Variants in GMDS observed in about 807,000 individuals in gnomAD.
The protein encoded by GMDS is GDP-mannose 4,6-dehydratase, also known as GDP-mannose 4,6 dehydratase.
GMDS carries 20 observed loss-of-function variants against 49.9 expected under a neutral mutation model. That is an observed-to-expected ratio of 0.40 (90% CI 0.28 to 0.58). GMDS has a LOEUF of 0.58. Ranked by LOEUF, GMDS falls within the 20% of genes least tolerant of loss-of-function variation. The pLI, the probability that GMDS is intolerant of heterozygous loss-of-function variation, is 0.42. For synonymous variants in GMDS, 177 were observed against 178.6 expected (o/e 0.99, Z 0.07); for missense variants, 362 against 481.4 (o/e 0.75, Z 2.32).
rs567789848 is a variant in GMDS, at chr6:1,656,907, C to T, written c.988-32367G>A. 1.1e-3 allele frequency among the ~76,000 whole-genome samples: 166 copies of T among 152,208 alleles called. 1 individual carries two copies. The highest frequency in any genetic ancestry group is 1.7e-3 in the Non-Finnish European group (118 of 68,004). ...AGTGTCCCTTCAAGCAGCCTCTTCC[C>T]CAGGAGGCAATCTTTACCTTCACTA... On this transcript the variant is annotated intron_variant, in intron 9 of 10. Transcript: ENST00000380815.
chr6:1,970,620 C>T (rs1764544828), intron 4 of GMDS, among the ~76,000 whole-genome samples: 1 of 152,016 alleles, frequency 6.6e-6, no homozygotes, highest in African/African-American at 2.4e-5. Flanking sequence ...TTATGGGTGT[C>T]GAGTAGACAG....
intron 9 of GMDS, among the ~76,000 whole-genome samples, chr6:1,699,129 C>T (rs930222748): frequency 7.9e-5 from 12 of 152,028 alleles, no homozygotes; most frequent in Admixed American, 1.3e-4. Flanking sequence ...GAGTGAGGGG[C>T]TGCCAGAGCC....
chr6:2,025,355 GGGGTGT>G lies in GMDS; in HGVS notation c.346-64395_346-64390del, dbSNP rs1190096131. ...CTATTAGTTCTGTAAATCTGATGGT[GGGGTGT>G]GTGTGTGTGTGTGTGTGTGTGTGTG... On this transcript the variant is annotated intron_variant, in intron 4 of 10. Coordinates refer to ENST00000380815, the MANE Select transcript of GMDS (RefSeq NM_001500.4). Among the ~76,000 whole-genome samples, 80 of 120,246 alleles carry G rather than the reference GGGGTGT, an allele frequency of 6.7e-4. 1 individual carries two copies. The highest frequency in any genetic ancestry group is 2.4e-3 in the African/African-American group (75 of 31,534). 78.9% of individuals were successfully genotyped at this position (120,246 alleles called of 152,430 possible). A position where few individuals can be genotyped will look rare whatever the true frequency, so the allele number is the denominator to read the frequency against.
intron 4 of GMDS, among the ~76,000 whole-genome samples, chr6:2,077,557 T>A (rs1772417799): frequency 6.6e-6 from 1 of 152,288 alleles, no homozygotes; most frequent in East Asian, 1.9e-4. Flanking sequence ...TTTTTATCAT[T>A]CATTCTGCTT....
Position 1,806,190 on chromosome 6 carries a change from T to C in GMDS, c.772-63604A>G, listed in dbSNP as rs370256611. Reference sequence around the variant, plus strand: ...TCAACTTTTCTCTCCAAGTCCAATTTAGTCCCTCATACATTGGAGGAAGGA... The same window carrying C: ...TCAACTTTTCTCTCCAAGTCCAATTCAGTCCCTCATACATTGGAGGAAGGA... On this transcript the variant is annotated intron_variant, in intron 7 of 10. Transcript: ENST00000380815. 3.9e-5 allele frequency among the ~76,000 whole-genome samples: 6 copies of C among 152,186 alleles called. No individual in the cohort carries two copies. The East Asian group carries it at 7.7e-4, about 20-fold the overall frequency.
At chr6:2,129,011 T>C (rs1775595176) in intron 1 of GMDS, among the ~76,000 whole-genome samples, 1 of 152,216 alleles carries the variant, frequency 6.6e-6, no homozygotes, top group South Asian at 2.1e-4. Flanking sequence ...CAGGTTTCAG[T>C]GTTCCTGACG....
chr6:1,990,670 G>C (rs886133662), intron 4 of GMDS, among the ~76,000 whole-genome samples: 3 of 151,886 alleles, frequency 2.0e-5, no homozygotes, highest in Non-Finnish European at 4.4e-5. Flanking sequence ...CGCCTCCCAG[G>C]CTAAAGCAAT....
At chr6:1,939,794 A>G (rs1186631323) in intron 6 of GMDS, among the ~76,000 whole-genome samples, 2 of 152,242 alleles carry the variant, frequency 1.3e-5, no homozygotes, top group African/African-American at 4.8e-5. Flanking sequence ...TAGCCAATTT[A>G]TTAAAGAATT....
intron 4 of GMDS, among the ~76,000 whole-genome samples, chr6:2,079,894 T>C (rs1429901691): frequency 5.9e-5 from 9 of 152,202 alleles, no homozygotes; most frequent in Admixed American, 5.2e-4. Context: ...AAAAAATAGA[T>C]GAGTTTTCCA....
Position 1,651,676 on chromosome 6 carries a change from T to C in GMDS, c.988-27136A>G, listed in dbSNP as rs1352632594. On this transcript the variant is annotated intron_variant, in intron 9 of 10. Transcript: ENST00000380815. ...GAGCCTGTGGTTGGCATCACACAAA[T>C]GTGACTGTTCAGTTTTTACCATCTT... Among the ~76,000 whole-genome samples the C allele has an allele frequency of 4.6e-5, 7 of 152,170 alleles. No homozygotes were observed. The South Asian group carries it at 8.3e-4, about 18-fold the overall frequency.
At chr6:1,922,654 G>C (rs1165752510) in intron 7 of GMDS, among the ~76,000 whole-genome samples, 1 of 152,150 alleles carries the variant, frequency 6.6e-6, no homozygotes, top group African/African-American at 2.4e-5. Flanking sequence ...CCCAGACTCA[G>C]TCAGTAGAAG....
intron 1 of GMDS, among the ~76,000 whole-genome samples, chr6:2,170,336 C>A (rs960915733): frequency 6.6e-6 from 1 of 152,050 alleles, no homozygotes; most frequent in African/African-American, 2.4e-5. Flanking sequence ...TAAATAGAAG[C>A]ACAATTAGGC....
intron 4 of GMDS, among the ~76,000 whole-genome samples, chr6:2,100,813 G>A (rs533023444): frequency 2.0e-5 from 3 of 152,044 alleles, no homozygotes; most frequent in Non-Finnish European, 2.9e-5. Context: ...AAACGTCCCC[G>A]AAAAGTGAAG....
At chr6:1,856,810 C>T (rs1021697650) in intron 7 of GMDS, among the ~76,000 whole-genome samples, 4 of 152,206 alleles carry the variant, frequency 2.6e-5, no homozygotes, top group Non-Finnish European at 5.9e-5. Context: ...TTGTTCCCTA[C>T]AGGGCCATGT....
intron 7 of GMDS, among the ~76,000 whole-genome samples, chr6:1,784,656 T>C (rs1769251286): frequency 6.6e-6 from 1 of 152,192 alleles, no homozygotes; most frequent in Non-Finnish European, 1.5e-5. Context: ...GTCATGTGAT[T>C]GACACCCTTA....
intron 4 of GMDS, among the ~76,000 whole-genome samples, chr6:2,000,289 C>T (rs1766716143): frequency 6.6e-6 from 1 of 151,072 alleles, no homozygotes; most frequent in Admixed American, 6.6e-5. Flanking sequence ...CCCGCCTTGG[C>T]CTCCCAAAAT....
intron 7 of GMDS, among the ~76,000 whole-genome samples, chr6:1,803,498 A>G (rs1770034114): frequency 6.6e-6 from 1 of 152,054 alleles, no homozygotes; most frequent in Middle Eastern, 3.2e-3. Context: ...CAGTATTATC[A>G]AGGCTACAGC....
At chr6:2,220,883 AG>A (rs1345490494) in intron 1 of GMDS, among the ~76,000 whole-genome samples, 1 of 152,180 alleles carries the variant, frequency 6.6e-6, no homozygotes, top group Non-Finnish European at 1.5e-5. Flanking sequence ...CCTTCTAAGA[AG>A]GGATGTACAA....
intron 4 of GMDS, among the ~76,000 whole-genome samples, chr6:2,065,166 G>A (rs773614406): frequency 1.3e-5 from 2 of 152,136 alleles, no homozygotes; most frequent in Non-Finnish European, 2.9e-5. Context: ...GGGGCAGACT[G>A]ACACCTCACA....
Sources: allele counts gnomAD v4.1 joint callset (sites outside exome capture counted in the v4.1 genomes callset), GRCh38; gene constraint gnomAD v4.1.1; transcripts MANE v1.5; gene names NCBI Gene and HGNC (gene_info 2026-07-23, HGNC 2026-07-21).